Variants in ABTB3 observed in about 807,000 individuals in gnomAD.
ABTB3 encodes ankyrin repeat- and BTB/POZ domain-containing protein 3.
chr12:107,615,281 C>A, the ABTB3 span: 2 of 719,190 alleles, frequency 2.8e-6, no homozygotes, highest in East Asian at 2.8e-5. Flanking sequence ...AACTGCAATT[C>A]AATATAGTAT....
chr12:107,551,768 T>C, the ABTB3 span, among the ~76,000 whole-genome samples: 1 of 152,056 alleles, frequency 6.6e-6, no homozygotes, highest in South Asian at 2.1e-4. Flanking sequence ...TTTTTTTTTT[T>C]TGAGACAGAG....
the ABTB3 span, among the ~76,000 whole-genome samples, chr12:107,546,826 C>T: frequency 4.6e-5 from 7 of 152,176 alleles, no homozygotes; most frequent in Admixed American, 1.3e-4. Context: ...GATCAGGCTA[C>T]TGCACTCCAG....
chr12:107,550,187 A>T, the ABTB3 span, among the ~76,000 whole-genome samples: 3 of 152,164 alleles, frequency 2.0e-5, no homozygotes, highest in African/African-American at 4.8e-5. Flanking sequence ...AGGCTACATA[A>T]CCTGGGATTG....
At chr12:107,442,611 T>C in the ABTB3 span, among the ~76,000 whole-genome samples, 1 of 152,162 alleles carries the variant, frequency 6.6e-6, no homozygotes, top group Non-Finnish European at 1.5e-5. Context: ...TTCTTTCCCT[T>C]CCAGTTAGTA....
chr12:107,524,785 T>C, the ABTB3 span, among the ~76,000 whole-genome samples: 1 of 152,208 alleles, frequency 6.6e-6, no homozygotes, highest in African/African-American at 2.4e-5. Flanking sequence ...GTCCAGAAGA[T>C]ATTTCCACTC....
chr12:107,537,573 G>A, the ABTB3 span, among the ~76,000 whole-genome samples: 1 of 152,144 alleles, frequency 6.6e-6, no homozygotes, highest in African/African-American at 2.4e-5. Context: ...CCTGATGGCA[G>A]CCTTCCCCCT....
the ABTB3 span, among the ~76,000 whole-genome samples, chr12:107,485,094 T>C: frequency 6.6e-6 from 1 of 152,188 alleles, no homozygotes; most frequent in East Asian, 1.9e-4. Flanking sequence ...GATTACATTA[T>C]CTACCCATTT....
At chr12:107,378,894 T>C in the ABTB3 span, among the ~76,000 whole-genome samples, 18 of 152,206 alleles carry the variant, frequency 1.2e-4, no homozygotes, top group African/African-American at 4.3e-4. Context: ...GGATTCTGCC[T>C]GCATCTGATG....
chr12:107,441,515 T>C, the ABTB3 span, among the ~76,000 whole-genome samples: 2 of 152,098 alleles, frequency 1.3e-5, no homozygotes, highest in Non-Finnish European at 2.9e-5. Flanking sequence ...CATGCTGGGC[T>C]TAATACCTAG....
the ABTB3 span, among the ~76,000 whole-genome samples, chr12:107,366,329 A>G: frequency 6.6e-6 from 1 of 152,216 alleles, no homozygotes; most frequent in Admixed American, 6.5e-5. Context: ...AGGTCTCTGG[A>G]TATAATTATT....
the ABTB3 span, among the ~76,000 whole-genome samples, chr12:107,452,052 G>A: frequency 6.6e-6 from 1 of 152,062 alleles, no homozygotes; most frequent in South Asian, 2.1e-4. Context: ...TTACTTCTCT[G>A]CCTCTTGCAC....
chr12:107,530,890 G>A, the ABTB3 span, among the ~76,000 whole-genome samples: 1 of 152,168 alleles, frequency 6.6e-6, no homozygotes, highest in Admixed American at 6.5e-5. Flanking sequence ...GGAGTTATGA[G>A]TAGTTGTTAG....
chr12:107,371,330 A>C, the ABTB3 span, among the ~76,000 whole-genome samples: 21 of 152,292 alleles, frequency 1.4e-4, no homozygotes, highest in African/African-American at 2.9e-4. Flanking sequence ...CTGTCTGTCT[A>C]GTCCCTGGGA....
At chr12:107,507,816 G>A in the ABTB3 span, among the ~76,000 whole-genome samples, 2,542 of 152,204 alleles carry the variant, frequency 0.017, 74 homozygotes, top group African/African-American at 0.056. Flanking sequence ...CCATCAGCTC[G>A]TCTTTCAATC....
chr12:107,594,640 A>G, the ABTB3 span, among the ~76,000 whole-genome samples: 1 of 152,104 alleles, frequency 6.6e-6, no homozygotes, highest in Non-Finnish European at 1.5e-5. Context: ...AAAAGGGAAA[A>G]AATCATCAAC....
At chr12:107,548,249 T>C in the ABTB3 span, among the ~76,000 whole-genome samples, 1 of 152,264 alleles carries the variant, frequency 6.6e-6, no homozygotes, top group Non-Finnish European at 1.5e-5. Context: ...ATCATTATTC[T>C]GACAAAGTCA....
At chr12:107,455,818 C>T in the ABTB3 span, among the ~76,000 whole-genome samples, 1 of 152,190 alleles carries the variant, frequency 6.6e-6, no homozygotes, top group Admixed American at 6.5e-5. Flanking sequence ...CTGGGCTTTC[C>T]TCCACTGTCT....
At chr12:107,396,793 G>C in the ABTB3 span, among the ~76,000 whole-genome samples, 1 of 152,130 alleles carries the variant, frequency 6.6e-6, no homozygotes, top group African/African-American at 2.4e-5. Flanking sequence ...CACTCACTGT[G>C]GACCTTCCTC....
At chr12:107,610,062 T>C in the ABTB3 span, 66 of 1,084,956 alleles carry the variant, frequency 6.1e-5, no homozygotes, top group Non-Finnish European at 8.6e-5. Context: ...ATCATTTTAA[T>C]TGGAGCCTAG....
Sources: gnomAD v4.1 joint callset for allele counts (sites outside exome capture counted in the v4.1 genomes callset) on GRCh38, gnomAD v4.1.1 for gene constraint, MANE v1.5 for transcripts, NCBI Gene and HGNC (gene_info 2026-07-23, HGNC 2026-07-21) for gene names.